TEX101: variants seen among roughly 807,000 people sequenced by gnomAD.
TEX101 encodes testis-expressed protein 101.
In TEX101, 10 loss-of-function variants were observed where a neutral mutation model predicts 18.1. The observed-to-expected ratio is 0.55, with a 90% CI of 0.34 to 0.94. The LOEUF is 0.94. TEX101 is among the 40% of genes least tolerant of loss of function. The pLI is 0.02. For missense variants in TEX101, 259 were observed against 298.9 expected, an observed-to-expected ratio of 0.87 and a Z score of 0.98; for synonymous variants, 94 against 114.8, an observed-to-expected ratio of 0.82 and a Z score of 1.16.
chr19:43,404,404 A>G (rs1970343601), intron 2 of TEX101, among the ~76,000 whole-genome samples: 1 of 145,686 alleles, frequency 6.9e-6, no homozygotes, highest in Non-Finnish European at 1.5e-5. Context: ...TGTGATATCT[A>G]TATTATATTA....
chr19:43,402,233 T>C (rs1328483995), intron 1 of TEX101, among the ~76,000 whole-genome samples: 1 of 152,224 alleles, frequency 6.6e-6, no homozygotes, highest in Non-Finnish European at 1.5e-5. Context: ...ACATGTTCAT[T>C]TGAAGTTTTT....
At position 43,415,829 on chromosome 19, in the gene TEX101, C is replaced by T. The variant is rs367590837; in HGVS notation, c.-39-52C>T. The T allele has an allele frequency of 7.3e-6, 11 of 1,516,290 alleles. No homozygotes were observed. In the African/African-American group the frequency reaches 8.2e-5, roughly 11 times the overall value. The allele number at this position is 1,516,290 out of a possible 1,614,324, so 93.9% of individuals were successfully genotyped here. ...GTACTTGCCAGGACCTAGATTTGAT[C>T]TCATGCACTCTGGCTGAAAAGTTAA... is the stretch of plus-strand genomic sequence containing the variant. On this transcript the variant is annotated intron_variant, in intron 1 of 5. Transcript: ENST00000598265.
At chr19:43,416,765 T>C (rs986567555) in intron 4 of TEX101, among the ~76,000 whole-genome samples, 1 of 152,140 alleles carries the variant, frequency 6.6e-6, no homozygotes, top group East Asian at 1.9e-4. Flanking sequence ...GAGTGTAAAC[T>C]GGGTTTTGTG....
chr19:43,418,477 G>C lies in TEX101; in HGVS notation c.*80G>C, dbSNP rs1403083636. The C allele has an allele frequency of 1.6e-5, 18 of 1,152,088 alleles. No homozygotes were observed. The highest frequency in any genetic ancestry group is 2.1e-5 in the Non-Finnish European group (17 of 798,122). The allele number at this position is 1,152,088 out of a possible 1,614,324, so 71.4% of individuals were successfully genotyped here. Reference sequence around the variant, plus strand: ...TACTGTTGAGGTTCAACAAGCTGAGGAGTAGATGGGAATTTGAGGGAGAAT... The same window carrying C: ...TACTGTTGAGGTTCAACAAGCTGAGCAGTAGATGGGAATTTGAGGGAGAAT... On this transcript the variant is annotated 3_prime_UTR_variant, in exon 6 of 6. Transcript: ENST00000598265.
chr19:43,406,471 G>A (rs769055635), exon 3 of TEX101: 3 of 769,834 alleles, frequency 3.9e-6, no homozygotes, highest in East Asian at 2.5e-5. Flanking sequence ...GAGGGGGATC[G>A]GTGGGCGGTC....
At chr19:43,394,801 C>A in the TEX101 span, among the ~76,000 whole-genome samples, 1 of 152,142 alleles carries the variant, frequency 6.6e-6, no homozygotes, top group Non-Finnish European at 1.5e-5. Context: ...ATGCCCAGGA[C>A]ATAATGTGTA....
the TEX101 span, among the ~76,000 whole-genome samples, chr19:43,395,545 C>G: frequency 2.6e-5 from 4 of 152,214 alleles, no homozygotes; most frequent in African/African-American, 9.6e-5. Flanking sequence ...TGTGCCAAGC[C>G]CTATGCTGAA....
intron 1 of TEX101, among the ~76,000 whole-genome samples, chr19:43,402,143 T>C (rs991047115): frequency 9.2e-5 from 14 of 152,378 alleles, no homozygotes; most frequent in East Asian, 5.8e-4. Flanking sequence ...GCTACTACAG[T>C]GGTCTATATG....
In TEX101 at chr19:43,416,470, G is replaced by C. The variant is rs147374764; in HGVS notation, c.306G>C (p.Val102=). The stretch of plus-strand genomic sequence containing the variant: ...ACTCTTCACCTCCCGGCCTGATCGT[G>C]ACCTCCTACAGTAACTACTGTGAGG... The part of the protein sequence containing the change: ...VQHSSPPGLI[V]TSYSNYCEDS... Residue 102 remains valine, a synonymous_variant, in exon 4 of 6, where the codon GTG becomes GTC. Transcript: ENST00000598265. 1.2e-6 allele frequency: 2 copies of C among 1,614,040 alleles called. No homozygotes were observed. Among genetic ancestry groups the C allele is most frequent in the African/African-American group, 2.7e-5 (2 of 74,916 alleles).
At position 43,416,433 on chromosome 19, in the gene TEX101, C is replaced by T. The variant is rs766899978; in HGVS notation, c.269C>T (p.Thr90Ile). The T allele has an allele frequency of 1.2e-6, 2 of 1,614,062 alleles. No individual in the cohort carries two copies. Among genetic ancestry groups the T allele is most frequent in the Non-Finnish European group, 1.7e-6 (2 of 1,180,032 alleles). Residue 90 changes from threonine (T) to isoleucine (I), a missense_variant, in exon 4 of 6, where the codon ACA (threonine) becomes ATA (isoleucine). Thr to Ile is a moderately conservative substitution (Grantham distance 89). Transcript: ENST00000598265. The stretch of plus-strand genomic sequence containing the variant: ...ATCCCGGAAGGGGAGGAGGCCATAA[C>T]AATTGTCCAGCACTCTTCACCTCCC... ...GCIPEGEEAI[T>I]IVQHSSPPGL...
At chr19:43,393,310 T>C in the TEX101 span, among the ~76,000 whole-genome samples, 5 of 152,152 alleles carry the variant, frequency 3.3e-5, no homozygotes, top group African/African-American at 1.2e-4. Context: ...CAATGCCCAG[T>C]GCCCCTGAGC....
the TEX101 span, among the ~76,000 whole-genome samples, chr19:43,393,165 G>T: frequency 6.6e-6 from 1 of 151,964 alleles, no homozygotes; most frequent in South Asian, 2.1e-4. Flanking sequence ...GAGACAGACA[G>T]GGAGACACAG....
At chr19:43,398,692 C>A (rs76291611), upstream of TEX101, among the ~76,000 whole-genome samples, 3,629 of 152,194 alleles carry the variant, frequency 0.024, 59 homozygotes, top group Middle Eastern at 0.099. Flanking sequence ...GACAGAAGGC[C>A]CAAAGTGGAG....
At chr19:43,391,720 G>A in the TEX101 span, among the ~76,000 whole-genome samples, 1 of 152,112 alleles carries the variant, frequency 6.6e-6, no homozygotes, top group Admixed American at 6.6e-5. Flanking sequence ...CATGGCTCAT[G>A]ACCCAGTTCT....
chr19:43,400,341 A>C (rs1970308449), upstream of TEX101, among the ~76,000 whole-genome samples: 1 of 152,240 alleles, frequency 6.6e-6, no homozygotes. Flanking sequence ...AGCTAGAAAA[A>C]GACATACTTT....
chr19:43,398,445 T>G (rs1276516203), upstream of TEX101, among the ~76,000 whole-genome samples: 4 of 151,110 alleles, frequency 2.6e-5, no homozygotes, highest in South Asian at 4.1e-4. Flanking sequence ...CCAGCTAATT[T>G]TTGTATTTTT....
chr19:43,399,748 C>T (rs1340831334), upstream of TEX101, among the ~76,000 whole-genome samples: 2 of 150,708 alleles, frequency 1.3e-5, no homozygotes, highest in Middle Eastern at 3.5e-3. Flanking sequence ...TTTTGATGCT[C>T]GAAATGTCCC....
chr19:43,393,724 C>T, the TEX101 span, among the ~76,000 whole-genome samples: 1 of 151,976 alleles, frequency 6.6e-6, no homozygotes, highest in Non-Finnish European at 1.5e-5. Flanking sequence ...TTAATTGAGA[C>T]AACCACAGTC....
At chr19:43,417,085 G>A (rs1373500251) in intron 4 of TEX101, among the ~76,000 whole-genome samples, 1 of 151,394 alleles carries the variant, frequency 6.6e-6, no homozygotes, top group African/African-American at 2.4e-5. Context: ...CGAACAGGGT[G>A]GTATTATCAG....
Sources: allele counts gnomAD v4.1 joint callset (sites outside exome capture counted in the v4.1 genomes callset), GRCh38; gene constraint gnomAD v4.1.1; transcripts MANE v1.5; gene names NCBI Gene and HGNC (gene_info 2026-07-23, HGNC 2026-07-21).